The following TECRL variants were observed in gnomAD, a reference collection of about 807,000 sequenced individuals.
TECRL encodes trans-2,3-enoyl-CoA reductase-like.
TECRL carries 63 observed loss-of-function variants against 52.8 expected under a neutral mutation model. The ratio of observed to expected loss-of-function variants is 1.19; its 90% CI spans 0.97 to 1.47. The LOEUF is 1.47. Among genes scored for constraint, TECRL ranks in the 40% most tolerant of loss-of-function variants. The pLI, the probability that TECRL is intolerant of heterozygous loss-of-function variation, is 0.00. For missense variants in TECRL, 482 were observed against 429.6 expected, an observed-to-expected ratio of 1.12 and a Z score of -1.08; for synonymous variants, 164 against 141.9, an observed-to-expected ratio of 1.16 and a Z score of -1.10.
At chr4:64,392,832 T>C (rs17084784) in intron 1 of TECRL, among the ~76,000 whole-genome samples, 37,969 of 151,828 alleles carry the variant, frequency 0.25, 4,879 homozygotes, top group Middle Eastern at 0.31. Context: ...ACTTTACAAA[T>C]TACCACAGCA....
chr4:64,299,067 TA>T (rs1204106466), intron 8 of TECRL: 1 of 151,142 alleles, frequency 6.6e-6, no homozygotes. Context: ...TTCAAACAAG[TA>T]ATGAGTTCTT....
chr4:64,375,249 A>G, intron 1 of TECRL, 26 bp from the exon 2 acceptor site: 1 of 1,228,166 alleles, frequency 8.1e-7, no homozygotes, highest in Non-Finnish European at 1.1e-6. Flanking sequence ...AAATAGAGTT[A>G]TTTTTAAAAA....
rs557708742 is a variant in TECRL at position 64,397,698 on chromosome 4, A to T, written c.234+11420T>A. 5.3e-5 allele frequency: 8 copies of T among 152,266 alleles called. No individual in the cohort carries two copies. In the South Asian group the frequency reaches 1.7e-3, roughly 32 times the overall value. 9.4% of individuals were successfully genotyped at this position (152,266 alleles called of 1,614,324 possible). On this transcript the variant is annotated intron_variant, in intron 1 of 11. Coordinates refer to ENST00000381210, the MANE Select transcript of TECRL (RefSeq NM_001010874.5). The stretch of plus-strand genomic sequence containing the variant: ...TCTTTTTTTACCAACCAGAAGAAAA[A>T]TACAGAACACTTCACGGATTTGTAT...
chr4:64,390,424 T>G (rs1262451969), intron 1 of TECRL, among the ~76,000 whole-genome samples: 1 of 151,858 alleles, frequency 6.6e-6, no homozygotes, highest in Non-Finnish European at 1.5e-5. Flanking sequence ...AAGTTTAGCA[T>G]ATAAGCAGAA....
downstream of TECRL, chr4:64,277,674 T>C (rs1255685716): frequency 1.3e-5 from 2 of 151,814 alleles, no homozygotes; most frequent in Non-Finnish European, 3.0e-5. Flanking sequence ...TATGTATATA[T>C]TGTCATATAT....
chr4:64,369,679 T>C (rs1005449783), intron 2 of TECRL, among the ~76,000 whole-genome samples: 1 of 151,998 alleles, frequency 6.6e-6, no homozygotes, highest in African/African-American at 2.4e-5. Context: ...GGGCAAGTTA[T>C]ATAATATTTC....
intron 5 of TECRL, among the ~76,000 whole-genome samples, chr4:64,312,778 A>AAAT (rs2110006305): frequency 6.6e-6 from 1 of 151,860 alleles, no homozygotes; most frequent in African/African-American, 2.4e-5. Context: ...AAAAAAAAAA[A>AAAT]AATGTAAATA....
chr4:64,311,191 C>A (rs1195965545), intron 5 of TECRL, among the ~76,000 whole-genome samples: 6 of 152,294 alleles, frequency 3.9e-5, no homozygotes, highest in Non-Finnish European at 7.4e-5. Flanking sequence ...ATTAAATAAA[C>A]ACTAACCTGG....
Position 64,322,790 on chromosome 4 carries a change from C to T in TECRL, c.334G>A (p.Gly112Arg), listed in dbSNP as rs772981599. Residue 112 changes from glycine (G) to arginine (R), a missense_variant and splice_region_variant, in exon 4 of 12, where the codon GGG becomes AGG. Gly to Arg is a moderately radical substitution (Grantham distance 125). Coordinates refer to ENST00000381210, the MANE Select transcript of TECRL (RefSeq NM_001010874.5). ...GTAATGTAGTCCTTCAAAAAAGGCCCGCCTAAAATAAAAATAACAAGAAAA... is the reference window on the plus strand; with the variant it reads ...GTAATGTAGTCCTTCAAAAAAGGCCTGCCTAAAATAAAAATAACAAGAAAA... ...SRVGLQLECG[G>R]PFLKDYITIQ... 3.1e-5 allele frequency: 49 copies of T among 1,587,814 alleles called. No homozygotes were observed. Among genetic ancestry groups the T allele is most frequent in the South Asian group, 1.1e-4 (9 of 84,738 alleles).
At chr4:64,313,638 C>A (rs1316533632) in intron 5 of TECRL, among the ~76,000 whole-genome samples, 1 of 150,338 alleles carries the variant, frequency 6.7e-6, no homozygotes, top group Admixed American at 6.6e-5. Context: ...CCCGCCACCA[C>A]GCCTGGCTAA....
intron 1 of TECRL, among the ~76,000 whole-genome samples, chr4:64,388,187 A>G (rs1301431992): frequency 7.4e-6 from 1 of 135,560 alleles, no homozygotes; most frequent in Non-Finnish European, 1.6e-5. Flanking sequence ...TTTTGAGTTA[A>G]TTTGTGTGAA....
intron 8 of TECRL, among the ~76,000 whole-genome samples, chr4:64,297,252 G>A (rs141318994): frequency 1.5e-3 from 225 of 151,360 alleles, no homozygotes; most frequent in African/African-American, 5.4e-3. Context: ...TCTGACATGG[G>A]TAATCGAGAA....
intron 2 of TECRL, among the ~76,000 whole-genome samples, chr4:64,355,499 T>C (rs966379569): frequency 1.6e-4 from 25 of 152,010 alleles, no homozygotes; most frequent in Non-Finnish European, 1.0e-4. Flanking sequence ...GTTGTATTAT[T>C]AAGAATAAGT....
Position 64,289,776 on chromosome 4 carries a change from C to T in TECRL, c.775-9G>A, listed in dbSNP as rs746115124. On this transcript the variant is annotated splice_polypyrimidine_tract_variant and intron_variant, in intron 8 of 11. Coordinates refer to ENST00000381210, the MANE Select transcript of TECRL (RefSeq NM_001010874.5). ...TTCCCAGCTTCACAAATCTGCAAAA[C>T]ATTTTAAACACTTTCAGTGTGATAC... 1.9e-6 allele frequency: 3 copies of T among 1,540,402 alleles called. No homozygotes were observed. Among genetic ancestry groups the T allele is most frequent in the African/African-American group, 2.9e-5 (2 of 70,074 alleles).
intron 1 of TECRL, among the ~76,000 whole-genome samples, chr4:64,398,597 C>T (rs1483287): frequency 0.64 from 97,404 of 152,022 alleles, 32,491 homozygotes; most frequent in Non-Finnish European, 0.74. Flanking sequence ...ACTTCCTGTA[C>T]GGCCCACAGA....
chr4:64,380,017 A>G (rs1722671312), intron 1 of TECRL, among the ~76,000 whole-genome samples: 2 of 152,114 alleles, frequency 1.3e-5, no homozygotes, highest in Non-Finnish European at 2.9e-5. Flanking sequence ...TTCCACTGAT[A>G]GTGTATAAGA....
intron 2 of TECRL, among the ~76,000 whole-genome samples, chr4:64,369,445 AT>A (rs1345200363): frequency 6.6e-6 from 1 of 152,134 alleles, no homozygotes; most frequent in Non-Finnish European, 1.5e-5. Context: ...TCATTACATA[AT>A]TTCTAAAATG....
chr4:64,285,427 C>A (rs1360562751), intron 9 of TECRL, among the ~76,000 whole-genome samples: 1 of 152,044 alleles, frequency 6.6e-6, no homozygotes, highest in Non-Finnish European at 1.5e-5. Context: ...TTTCTGCCAC[C>A]TGAGAACATG....
chr4:64,338,872 G>T (rs1261293438), intron 2 of TECRL, among the ~76,000 whole-genome samples: 3 of 152,176 alleles, frequency 2.0e-5, no homozygotes, highest in African/African-American at 2.4e-5. Flanking sequence ...GAAGACAGTG[G>T]GGCGATTCCT....
Sources: gnomAD v4.1 joint callset for allele counts (sites outside exome capture counted in the v4.1 genomes callset) on GRCh38, gnomAD v4.1.1 for gene constraint, MANE v1.5 for transcripts, NCBI Gene and HGNC (gene_info 2026-07-23, HGNC 2026-07-21) for gene names.